The following SAMD11 variants were observed in gnomAD, a reference collection of about 807,000 sequenced individuals.
The protein encoded by SAMD11 is sterile alpha motif domain-containing protein 11.
SAMD11 carries 77 observed loss-of-function variants against 64.4 expected under a neutral mutation model. The observed-to-expected ratio is 1.20, with a 90% CI of 0.99 to 1.44. SAMD11 has a LOEUF of 1.44. Ranked by LOEUF, SAMD11 falls within the 40% of genes most tolerant of loss-of-function variation. The probability of loss-of-function intolerance (pLI) is 0.00; values close to 1 mark genes in which losing one functional copy is unlikely to be tolerated. For synonymous variants in SAMD11, 658 were observed against 421.9 expected (o/e 1.56, Z -6.86); for missense variants, 1,402 against 943.3 (o/e 1.49, Z -6.37).
At chr1:943,121 G>C (rs552638454) in intron 11 of SAMD11, 63 bp downstream of exon 11, 1 of 1,553,588 alleles carries the variant, frequency 6.4e-7, no homozygotes, top group East Asian at 2.3e-5. Context: ...GCCTGTGGAA[G>C]GGTCTTGGGG....
At chr1:935,730 C>T in intron 4 of SAMD11, 42 bp from the exon 5 acceptor site, 4 of 1,610,898 alleles carry the variant, frequency 2.5e-6, no homozygotes, top group Non-Finnish European at 3.4e-6. Flanking sequence ...TCCAGCCTCG[C>T]AGCTGCCCAC....
At chr1:938,605 C>T (rs79067344) in intron 5 of SAMD11, among the ~76,000 whole-genome samples, 206 of 152,320 alleles carry the variant, frequency 1.4e-3, no homozygotes, top group Admixed American at 4.3e-3. Flanking sequence ...GGTGTGAGGT[C>T]CTTCCCGGCT....
chr1:938,537 G>A (rs938420758), intron 5 of SAMD11, among the ~76,000 whole-genome samples: 2 of 152,158 alleles, frequency 1.3e-5, no homozygotes, highest in African/African-American at 4.8e-5. Context: ...GAGTGGAGGC[G>A]CCTCGAGGCG....
At chr1:933,656 C>T (rs935735425) in intron 4 of SAMD11, among the ~76,000 whole-genome samples, 5 of 152,158 alleles carry the variant, frequency 3.3e-5, no homozygotes, top group African/African-American at 9.7e-5. Flanking sequence ...ACCCCCGCGT[C>T]GATTAGGATC....
Position 944,530 on chromosome 1 carries a change from C to G in SAMD11, c.*377C>G. On this transcript the variant is annotated 3_prime_UTR_variant, in exon 14 of 14. Transcript: ENST00000616016. ...CACCAGCCCAGCCCAGCCCAGCTCT[C>G]GATACGTTTGGTCTTTCATGCTGAA... is the stretch of plus-strand genomic sequence containing the variant. 1 of 627,476 alleles carries G rather than the reference C, an allele frequency of 1.6e-6. No individual in the cohort carries two copies. Among genetic ancestry groups the G allele is most frequent in the Non-Finnish European group, 2.7e-6 (1 of 371,338 alleles). The allele number at this position is 627,476 out of a possible 1,614,324, so 38.9% of individuals were successfully genotyped here.
At chr1:929,346 T>A (rs2340590) in intron 2 of SAMD11, among the ~76,000 whole-genome samples, 146,251 of 152,292 alleles carry the variant, frequency 0.96, 70,492 homozygotes, top group East Asian at 1. Flanking sequence ...AGAAGCCCTG[T>A]GAGAAATGCG....
At chr1:937,795 A>G (rs1331932518) in intron 5 of SAMD11, among the ~76,000 whole-genome samples, 2 of 152,250 alleles carry the variant, frequency 1.3e-5, no homozygotes, top group African/African-American at 4.8e-5. Context: ...GCCGGGCCTG[A>G]CAGCAGCCGG....
At chr1:941,512 CAG>C (rs1491529545) in intron 8 of SAMD11, among the ~76,000 whole-genome samples, 1 of 151,990 alleles carries the variant, frequency 6.6e-6, no homozygotes, top group African/African-American at 2.4e-5. Flanking sequence ...TGAGGCCCAT[CAG>C]GGGGTTCCCT....
At chr1:943,435 C>A in intron 12 of SAMD11, 58 bp downstream of exon 12, 1 of 1,407,874 alleles carries the variant, frequency 7.1e-7, no homozygotes, top group East Asian at 2.3e-5. Context: ...GTCACTACCT[C>A]CCTGGAAAGG....
intron 7 of SAMD11, 157 bp downstream of exon 7, chr1:939,569 G>T: frequency 3.1e-6 from 2 of 637,420 alleles, no homozygotes. Flanking sequence ...CTGGATGCAG[G>T]TCCCTCTGCC....
At chr1:935,531 C>T (rs928666579) in intron 4 of SAMD11, among the ~76,000 whole-genome samples, 3 of 152,194 alleles carry the variant, frequency 2.0e-5, no homozygotes, top group African/African-American at 7.2e-5. Flanking sequence ...CATAGACCCT[C>T]CCTGGAGCAG....
rs1370181274 is a variant in SAMD11, at chr1:924,629, G to T, written c.198G>T (p.Pro66=). ...AAGYEALLAP[P]LRPPRAYLSL... ...GTTACGAGGCTCTGCTGGCCCCGCCGCTCCGCCCCCCGCGCGCCTACCTCA... is the reference window on the plus strand; with the variant it reads ...GTTACGAGGCTCTGCTGGCCCCGCCTCTCCGCCCCCCGCGCGCCTACCTCA... Residue 66 remains proline (P), a synonymous_variant, in exon 1 of 14, where the codon CCG becomes CCT. Coordinates refer to ENST00000616016, the MANE Select transcript of SAMD11 (RefSeq NM_001385641.1). 5 of 152,078 alleles carry T rather than the reference G, an allele frequency of 3.3e-5. No individual in the cohort carries two copies. Among genetic ancestry groups the T allele is most frequent in the Middle Eastern group, 3.4e-3 (1 of 294 alleles). The allele number at this position is 152,078 out of a possible 1,614,324, so 9.4% of individuals were successfully genotyped here.
intron 4 of SAMD11, among the ~76,000 whole-genome samples, chr1:931,682 G>A (rs1455324881): frequency 6.6e-6 from 1 of 152,270 alleles, no homozygotes; most frequent in Non-Finnish European, 1.5e-5. Flanking sequence ...GAGCAGGGCA[G>A]TGACCAGGTG....
intron 4 of SAMD11, 87 bp from the exon 5 acceptor site, chr1:935,685 C>A: frequency 1.3e-6 from 2 of 1,563,978 alleles, no homozygotes; most frequent in Non-Finnish European, 1.7e-6. Flanking sequence ...CACGCTCACA[C>A]ACAGAGCTAG....
intron 5 of SAMD11, among the ~76,000 whole-genome samples, chr1:936,767 G>T (rs1020109775): frequency 3.9e-5 from 6 of 152,176 alleles, no homozygotes; most frequent in African/African-American, 1.4e-4. Context: ...GGCCCTTGTG[G>T]GGCTGGGTGG....
chr1:930,356 A>G lies in SAMD11; in HGVS notation c.791+20A>G. The G allele has an allele frequency of 6.3e-7, 1 of 1,584,606 alleles. No individual in the cohort carries two copies. Among genetic ancestry groups the G allele is most frequent in the Non-Finnish European group, 8.6e-7 (1 of 1,164,440 alleles). ...GAGAAGGTACTTGGACCAGGGCCGG[A>G]CAGGAAGGCGCAAGGCTCAGATGGG... On this transcript the variant is annotated intron_variant, in intron 3 of 13. Transcript: ENST00000616016.
chr1:936,042 T>C (rs1641417269), intron 5 of SAMD11, 146 bp downstream of exon 5: 4 of 860,086 alleles, frequency 4.7e-6, no homozygotes, highest in Non-Finnish European at 7.0e-6. Context: ...GGGATGGTAA[T>C]TGTGTTAATC....
intron 5 of SAMD11, among the ~76,000 whole-genome samples, chr1:937,471 T>G (rs1641519595): frequency 7.0e-6 from 1 of 143,114 alleles, no homozygotes; most frequent in African/African-American, 2.6e-5. Flanking sequence ...GAGGGTAGTT[T>G]CCACTGTGTA....
In SAMD11 at chr1:942,665, C is replaced by T. The variant is rs1196910844; in HGVS notation, c.1660C>T (p.Leu554=). The T allele has an allele frequency of 2.8e-6, 4 of 1,432,628 alleles. No homozygotes were observed. The allele number at this position is 1,432,628 out of a possible 1,614,324, so 88.7% of individuals were successfully genotyped here. ...ALRPNDGAEE[L]QRRGALLVLN... ...GCGCCCCAACGACGGCGCCGAGGAG[C>T]TGCAGCGGCGCGGGGCCCTGCTGGT... The change falls in exon 11 of 14, where the codon CTG becomes TTG. Residue 554 remains leucine (L), a synonymous_variant. Coordinates refer to ENST00000616016, the MANE Select transcript of SAMD11 (RefSeq NM_001385641.1).
Sources: allele counts gnomAD v4.1 joint callset (sites outside exome capture counted in the v4.1 genomes callset), GRCh38; gene constraint gnomAD v4.1.1; transcripts MANE v1.5; gene names NCBI Gene and HGNC (gene_info 2026-07-23, HGNC 2026-07-21).